TAPBPL: variants seen among roughly 807,000 people sequenced by gnomAD.
The protein encoded by TAPBPL is tapasin-related protein.
A neutral mutation model predicts 44.8 loss-of-function variants in TAPBPL; 32 were observed. The ratio of observed to expected loss-of-function variants is 0.71; its 90% confidence interval spans 0.54 to 0.96. TAPBPL has a LOEUF of 0.96. TAPBPL is among the 40% of genes least tolerant of loss of function. TAPBPL has a pLI of 0.00. For synonymous variants in TAPBPL, 230 were observed against 240.7 expected (o/e 0.96, Z 0.41); for missense variants, 520 against 586.6 (o/e 0.89, Z 1.17).
At chr12:6,470,664 C>T (rs1247005208), downstream of TAPBPL, 7 of 1,202,442 alleles carry the variant, frequency 5.8e-6, no homozygotes, top group Non-Finnish European at 6.0e-6. Flanking sequence ...GGTCTAGCTG[C>T]GCTGGAACTT....
At chr12:6,451,720 C>A, upstream of TAPBPL, 1 of 302,206 alleles carries the variant, frequency 3.3e-6, no homozygotes, top group Non-Finnish European at 6.2e-6. Flanking sequence ...CACCCTGCAG[C>A]TCTCCAGCTT....
At chr12:6,465,414 GTATA>G (rs746403911), downstream of TAPBPL, 315 of 39,158 alleles carry the variant, frequency 8.0e-3, 1 homozygote, top group East Asian at 0.051. Flanking sequence ...GTATATATAT[GTATA>G]TATATATATA....
intron 3 of TAPBPL, among the ~76,000 whole-genome samples, chr12:6,454,143 C>G (rs1229547402): frequency 6.6e-6 from 1 of 152,148 alleles, no homozygotes; most frequent in Non-Finnish European, 1.5e-5. Flanking sequence ...CACCTCAGGG[C>G]ACCCCTAGGC....
chr12:6,453,606 G>A lies in TAPBPL; in HGVS notation c.455G>A (p.Gly152Glu), dbSNP rs779287462. The change falls in exon 3 of 7, where the codon GGA becomes GAA. Residue 152 changes from glycine (G) to glutamate (E), a missense_variant. Physicochemically the swap from Gly to Glu is moderately conservative, Grantham distance 98 (BLOSUM62 -2). Coordinates refer to ENST00000266556, the MANE Select transcript of TAPBPL (RefSeq NM_018009.5). The surrounding 1 kb of genome is among the most constrained non-coding windows in gnomAD (Gnocchi z 4.8). ...FMANMQVSGGGPSISLVMKTP... is the reference protein window; with the variant it reads ...FMANMQVSGGEPSISLVMKTP... ...GCCAACATGCAGGTCTCTGGAGGGG[G>A]ACCTAGCATCTCCTTGGTGATGAAG... The A allele has an allele frequency of 3.7e-6, 6 of 1,614,050 alleles. No individual in the cohort carries two copies. Among genetic ancestry groups the A allele is most frequent in the South Asian group, 1.1e-5 (1 of 91,082 alleles).
chr12:6,470,469 C>G, downstream of TAPBPL: 1 of 1,612,148 alleles, frequency 6.2e-7, no homozygotes, highest in Non-Finnish European at 8.5e-7. Context: ...CCCGCAGAAT[C>G]GGGAGCTTGG....
In TAPBPL at chr12:6,453,498, G is replaced by A; in HGVS notation, c.347G>A (p.Ser116Asn). The stretch of plus-strand genomic sequence containing the variant: ...GAGGCCTTGCTCCATGCTGACTGCA[G>A]TGGGAAGGAGGTGACCTGTGAGATC... ...QAEALLHADC[S>N]GKEVTCEISR... The change falls in exon 3 of 7, where the codon AGT becomes AAT. Residue 116 changes from serine (S) to asparagine (N), a missense_variant. Ser to Asn is a conservative substitution (Grantham distance 46). Transcript: ENST00000266556. The surrounding 1 kb of genome is among the most constrained non-coding windows in gnomAD (Gnocchi z 4.8). 4 of 1,614,188 alleles carry A rather than the reference G, an allele frequency of 2.5e-6. No individual in the cohort carries two copies. The highest frequency in any genetic ancestry group is 1.1e-5 in the South Asian group (1 of 91,088).
downstream of TAPBPL, chr12:6,463,685 A>G (rs1429441852): frequency 9.1e-7 from 1 of 1,098,484 alleles, no homozygotes; most frequent in Non-Finnish European, 1.1e-6. The surrounding 1 kb of genome is among the most constrained non-coding windows in gnomAD (Gnocchi z 4.0). Flanking sequence ...TACCAGCTAG[A>G]TGGATTTATT....
chr12:6,471,846 G>C, the TAPBPL span, among the ~76,000 whole-genome samples: 1 of 151,956 alleles, frequency 6.6e-6, no homozygotes, highest in Admixed American at 6.6e-5. This position sits in a 1 kb window ranked among gnomAD's most constrained non-coding sequence, Gnocchi z 4.0. Context: ...AAGAAAAAAG[G>C]TTGCAAATTA....
chr12:6,469,801 G>A (rs562195807), downstream of TAPBPL, among the ~76,000 whole-genome samples: 10 of 152,326 alleles, frequency 6.6e-5, no homozygotes, highest in Non-Finnish European at 1.3e-4. Context: ...AAGACTGCTG[G>A]AGACTAAACT....
downstream of TAPBPL, among the ~76,000 whole-genome samples, chr12:6,467,693 T>C (rs2532491): frequency 0.68 from 103,260 of 152,150 alleles, 35,402 homozygotes; most frequent in South Asian, 0.78. Context: ...GAAGCCTTCA[T>C]AGCAGCCCCT....
downstream of TAPBPL, chr12:6,470,512 A>AC: frequency 2.5e-6 from 4 of 1,613,994 alleles, no homozygotes; most frequent in Non-Finnish European, 3.4e-6. Context: ...CCGAGCCCCC[A>AC]CACCAGAGTC....
At chr12:6,452,515 A>G in intron 1 of TAPBPL, 1 of 1,428,202 alleles carries the variant, frequency 7.0e-7, no homozygotes, top group Non-Finnish European at 9.2e-7. Flanking sequence ...CACAGGGAAA[A>G]TGCTAAAGAG....
At position 6,452,077 on chromosome 12, in the gene TAPBPL, G is replaced by C; in HGVS notation, c.-172G>C. 1.3e-6 allele frequency: 1 copy of C among 752,298 alleles called. No individual in the cohort carries two copies. The allele number at this position is 752,298 out of a possible 1,614,324, so 46.6% of individuals were successfully genotyped here. ...ACACAGGGACGCGGGCTGCCATCTT[G>C]CTCTAAGTGAAAGTGAAAGAAAAGT... On this transcript the variant is annotated 5_prime_UTR_variant, in exon 1 of 7. Transcript: ENST00000266556.
chr12:6,453,930 G>A lies in TAPBPL; in HGVS notation c.565+214G>A, dbSNP rs1193500948. Among the ~76,000 whole-genome samples, 4 of 148,922 alleles carry A rather than the reference G, an allele frequency of 2.7e-5. No homozygotes were observed. Among genetic ancestry groups the A allele is most frequent in the Middle Eastern group, 7.1e-3 (2 of 282 alleles). On this transcript the variant is annotated intron_variant, in intron 3 of 6. Coordinates refer to ENST00000266556, the MANE Select transcript of TAPBPL (RefSeq NM_018009.5). The surrounding 1 kb of genome is among the most constrained non-coding windows in gnomAD (Gnocchi z 4.8). ...CGAGGGAGGCTGAGGCAGGAGAATC[G>A]CTTGAACCCGGAAGGCAGAGGTTGC... is the stretch of plus-strand genomic sequence containing the variant.
intron 3 of TAPBPL, among the ~76,000 whole-genome samples, chr12:6,455,566 C>T (rs1185405435): frequency 6.6e-6 from 1 of 152,130 alleles, no homozygotes. Flanking sequence ...TCCCTATCTC[C>T]CCACACGACT....
downstream of TAPBPL, chr12:6,463,293 A>G (rs953786916): frequency 2.5e-5 from 32 of 1,264,396 alleles, no homozygotes; most frequent in Non-Finnish European, 3.0e-5. This position sits in a 1 kb window ranked among gnomAD's most constrained non-coding sequence, Gnocchi z 4.0. Context: ...GCAATACACA[A>G]GCACACCTGA....
chr12:6,459,085 A>T, intron 5 of TAPBPL, 138 bp downstream of exon 5: 1 of 1,016,726 alleles, frequency 9.8e-7, no homozygotes, highest in Non-Finnish European at 1.4e-6. Flanking sequence ...TCTGCTCCTG[A>T]CTATTTTCCC....
At chr12:6,467,867 G>A (rs1945666340), downstream of TAPBPL, among the ~76,000 whole-genome samples, 1 of 152,256 alleles carries the variant, frequency 6.6e-6, no homozygotes, top group African/African-American at 2.4e-5. Context: ...TTCAGAGGGT[G>A]GAAGCCCCAA....
chr12:6,460,879 T>C lies in TAPBPL; in HGVS notation c.1232T>C (p.Ile411Thr). The change falls in exon 6 of 7, where the codon ATC becomes ACC. Residue 411 changes from isoleucine (I) to threonine (T), a missense_variant. By Grantham distance (89) the Ile-to-Thr change is moderately conservative. Transcript: ENST00000266556. ...PPERRTALGV[I>T]FASSLFLLAL... ...GAGCGGAGAACAGCCTTGGGAGTCA[T>C]CTTTGCCAGCAGTCTCTTCCTTCTT... is the stretch of plus-strand genomic sequence containing the variant. 1 of 1,614,104 alleles carries C rather than the reference T, an allele frequency of 6.2e-7. No individual in the cohort carries two copies. Among genetic ancestry groups the C allele is most frequent in the Non-Finnish European group, 8.5e-7 (1 of 1,179,984 alleles).
Sources: allele counts gnomAD v4.1 joint callset (sites outside exome capture counted in the v4.1 genomes callset), GRCh38; gene constraint gnomAD v4.1.1; non-coding constraint Gnocchi (gnomAD v3.1); transcripts MANE v1.5; gene names NCBI Gene and HGNC (gene_info 2026-07-23, HGNC 2026-07-21).